The following USH2A variants were observed in gnomAD, a reference collection of about 807,000 sequenced individuals.
The protein encoded by USH2A is Usher syndrome 2A (autosomal recessive, mild).
In USH2A, 443 loss-of-function variants were observed where a neutral mutation model predicts 538.9. The observed-to-expected ratio is 0.82, with a 90% CI of 0.76 to 0.89. The LOEUF is 0.89. Among genes scored for constraint, USH2A ranks in the 40% least tolerant of loss-of-function variants. The probability of loss-of-function intolerance (pLI) is 0.00; values close to 1 mark genes in which losing one functional copy is unlikely to be tolerated. For missense variants in USH2A, 6,633 were observed against 6,324.8 expected (o/e 1.05, Z -1.65); for synonymous variants, 2,413 against 2,273.5 (o/e 1.06, Z -1.75).
At chr1:216,267,622 C>T (rs964406382) in intron 11 of USH2A, among the ~76,000 whole-genome samples, 1 of 152,058 alleles carries the variant, frequency 6.6e-6, no homozygotes, top group African/African-American at 2.4e-5. Context: ...GGAAAGTGTT[C>T]TCTACCCATT....
intron 55 of USH2A, among the ~76,000 whole-genome samples, chr1:215,773,342 C>A (rs1661346324): frequency 6.6e-6 from 1 of 152,000 alleles, no homozygotes; most frequent in African/African-American, 2.4e-5. Flanking sequence ...GGTGGGGTGA[C>A]CAGCCTTCCC....
chr1:216,043,292 C>T (rs184167761), intron 32 of USH2A, among the ~76,000 whole-genome samples: 3 of 151,994 alleles, frequency 2.0e-5, no homozygotes, highest in Non-Finnish European at 4.4e-5. Flanking sequence ...CATCTTTGAA[C>T]CCCATATTAA....
At chr1:216,231,473 C>G (rs2035690163) in intron 14 of USH2A, among the ~76,000 whole-genome samples, 3 of 150,476 alleles carry the variant, frequency 2.0e-5, no homozygotes, top group Non-Finnish European at 2.9e-5. Flanking sequence ...GCAACCCACT[C>G]TAGGAAATAT....
intron 4 of USH2A, among the ~76,000 whole-genome samples, chr1:216,363,210 T>G (rs2102706359): frequency 6.6e-6 from 1 of 152,264 alleles, no homozygotes; most frequent in East Asian, 1.9e-4. Flanking sequence ...ATACAGGCAT[T>G]GTGCTTAGCA....
intron 13 of USH2A, 29 bp from the exon 14 acceptor site, chr1:216,232,165 A>G (rs2035710802): frequency 6.3e-7 from 1 of 1,584,694 alleles, no homozygotes; most frequent in South Asian, 1.1e-5. Flanking sequence ...AAAGTTTTAT[A>G]TATACTTTTT....
chr1:216,138,098 T>C (rs1178948954), intron 21 of USH2A, among the ~76,000 whole-genome samples: 1 of 152,114 alleles, frequency 6.6e-6, no homozygotes, highest in African/African-American at 2.4e-5. Context: ...TATGATTGTA[T>C]TGGAATTAGA....
intron 37 of USH2A, among the ~76,000 whole-genome samples, chr1:215,955,969 A>T (rs932070502): frequency 6.6e-6 from 1 of 152,150 alleles, no homozygotes; most frequent in Non-Finnish European, 1.5e-5. Context: ...CAGAGAAGGG[A>T]ATTCCTTGCT....
rs138178390 is a variant in USH2A, at chr1:215,634,721, A to G, written c.15053-18T>C. The G allele has an allele frequency of 6.2e-7, 1 of 1,614,230 alleles. No individual in the cohort carries two copies. Among genetic ancestry groups the G allele is most frequent in the East Asian group, 2.2e-5 (1 of 44,888 alleles). ...GACCAAGCCTGCAAAACCCAGAGAA[A>G]GAAAGGGGAAATGTTATTTCAGAAA... On this transcript the variant is annotated intron_variant, in intron 69 of 71. Coordinates refer to ENST00000307340, the MANE Select transcript of USH2A (RefSeq NM_206933.4).
chr1:216,154,480 A>C (rs1045276316), intron 21 of USH2A, among the ~76,000 whole-genome samples: 1 of 152,218 alleles, frequency 6.6e-6, no homozygotes, highest in Non-Finnish European at 1.5e-5. Flanking sequence ...AATGGTTCCC[A>C]TACTTGAATG....
intron 47 of USH2A, among the ~76,000 whole-genome samples, chr1:215,828,328 T>TA (rs1010888221): frequency 6.6e-6 from 1 of 152,092 alleles, no homozygotes; most frequent in Non-Finnish European, 1.5e-5. Context: ...TGTGGTGGCA[T>TA]ATGCCTATTG....
chr1:215,942,574 C>T (rs890013056), intron 37 of USH2A, among the ~76,000 whole-genome samples: 14 of 152,024 alleles, frequency 9.2e-5, no homozygotes, highest in Non-Finnish European at 1.6e-4. Flanking sequence ...ACTGTCTTTC[C>T]AAAATACCTG....
chr1:215,779,450 T>A (rs1461661860), intron 55 of USH2A, among the ~76,000 whole-genome samples: 1 of 152,204 alleles, frequency 6.6e-6, no homozygotes, highest in Non-Finnish European at 1.5e-5. Context: ...ATCCACTTGA[T>A]AGACAAATGT....
chr1:215,638,037 C>A (rs1039787809), intron 69 of USH2A, among the ~76,000 whole-genome samples: 1 of 152,050 alleles, frequency 6.6e-6, no homozygotes, highest in Non-Finnish European at 1.5e-5. Context: ...ACCCGTTGAG[C>A]TAAATTACCC....
At chr1:216,142,508 C>G (rs2033621119) in intron 21 of USH2A, among the ~76,000 whole-genome samples, 1 of 152,052 alleles carries the variant, frequency 6.6e-6, no homozygotes, top group Non-Finnish European at 1.5e-5. Flanking sequence ...GGCTTTTAGT[C>G]CTGCTTGTCT....
chr1:216,133,945 T>C (rs765799043), intron 21 of USH2A, among the ~76,000 whole-genome samples: 42 of 152,132 alleles, frequency 2.8e-4, no homozygotes, highest in Admixed American at 2.6e-4. Context: ...ACACTGAATA[T>C]TATGATTGAT....
At chr1:216,247,306 G>C in intron 12 of USH2A, 80 bp from the exon 13 acceptor site, 1 of 1,549,862 alleles carries the variant, frequency 6.5e-7, no homozygotes, top group Admixed American at 1.7e-5. Flanking sequence ...CAATGCTACT[G>C]CAGATGATAC....
chr1:215,823,819 G>A (rs1418528244), intron 47 of USH2A, among the ~76,000 whole-genome samples: 3 of 151,640 alleles, frequency 2.0e-5, no homozygotes, highest in Non-Finnish European at 2.9e-5. Flanking sequence ...GCTATTGAGA[G>A]CCTCTAATGA....
At chr1:216,352,842 A>T (rs186410033) in intron 4 of USH2A, among the ~76,000 whole-genome samples, 1 of 152,092 alleles carries the variant, frequency 6.6e-6, no homozygotes, top group African/African-American at 2.4e-5. Flanking sequence ...GTTAATTTTT[A>T]TGGTAAAGTT....
At position 216,410,400 on chromosome 1, in the gene USH2A, A is replaced by C. The variant is rs1483548625; in HGVS notation, c.651+8114T>G. 2.6e-5 allele frequency among the ~76,000 whole-genome samples: 4 copies of C among 152,236 alleles called. No individual in the cohort carries two copies. In the East Asian group the frequency reaches 7.7e-4, roughly 29 times the overall value. On this transcript the variant is annotated intron_variant, in intron 3 of 71. Transcript: ENST00000307340. ...CATTCTATCATAAAGACGCATGCAC[A>C]TGTATATTCGTTGCAGCACTGTTCA...
Sources: gnomAD v4.1 joint callset for allele counts (sites outside exome capture counted in the v4.1 genomes callset) on GRCh38, gnomAD v4.1.1 for gene constraint, MANE v1.5 for transcripts, NCBI Gene and HGNC (gene_info 2026-07-23, HGNC 2026-07-21) for gene names.